The following TENT5D variants were observed in gnomAD, a reference collection of about 807,000 sequenced individuals.
TENT5D encodes terminal nucleotidyltransferase 5D.
For synonymous variants in TENT5D, 103 were observed against 100.6 expected (o/e 1.02, Z -0.15); for missense variants, 191 against 287.0 (o/e 0.67, Z 2.42).
chrX:80,351,013 C>T (rs956364949), intron 3 of TENT5D, among the ~76,000 whole-genome samples: 7 of 111,905 alleles, frequency 6.3e-5, no homozygotes, highest in Admixed American at 4.7e-4. Flanking sequence ...GAGAGATACG[C>T]TGTTAGTCTG....
chrX:80,431,415 G>A (rs1050766828), intron 1 of TENT5D, among the ~76,000 whole-genome samples: 1 of 111,950 alleles, frequency 8.9e-6, no homozygotes, highest in Admixed American at 9.5e-5. Context: ...GGTAAAAACT[G>A]ACTCCAAATT....
At chrX:80,402,927 T>C (rs1931415114) in intron 3 of TENT5D, among the ~76,000 whole-genome samples, 1 of 111,922 alleles carries the variant, frequency 8.9e-6, no homozygotes, top group Non-Finnish European at 1.9e-5. Context: ...ACGTCCAGTG[T>C]TTGCTTATTA....
Position 80,429,128 on chromosome X carries a change from A to G in TENT5D, c.-142+8565A>G, listed in dbSNP as rs1200398619. Among the ~76,000 whole-genome samples, 3 of 111,205 alleles carry G rather than the reference A, an allele frequency of 2.7e-5. No individual in the cohort carries two copies. In the East Asian group the frequency reaches 8.6e-4, roughly 32 times the overall value. ...GGATCATTTGTGAGACAGGCCCTGG[A>G]CCTGGTGACTTGCACCTCTGGAGAC... is the stretch of plus-strand genomic sequence containing the variant. On this transcript the variant is annotated intron_variant, in intron 1 of 2. Transcript: ENST00000308293.
chrX:80,354,293 TC>T (rs1930242439), intron 3 of TENT5D, among the ~76,000 whole-genome samples: 1 of 111,759 alleles, frequency 8.9e-6, no homozygotes. Flanking sequence ...AGATACGTTT[TC>T]CAAGTTGTTT....
intron 1 of TENT5D, among the ~76,000 whole-genome samples, chrX:80,429,900 A>G (rs760386991): frequency 2.3e-4 from 26 of 111,646 alleles, no homozygotes; most frequent in Non-Finnish European, 3.8e-4. Context: ...CTTTTTAAAA[A>G]GGCCATCTGG....
intron 3 of TENT5D, among the ~76,000 whole-genome samples, chrX:80,374,313 C>T (rs979400063): frequency 1.8e-5 from 2 of 111,021 alleles, no homozygotes; most frequent in African/African-American, 3.3e-5. Context: ...AACACACGTG[C>T]GCATGATAGA....
At chrX:80,362,325 G>C (rs772963483) in intron 3 of TENT5D, among the ~76,000 whole-genome samples, 14 of 110,534 alleles carry the variant, frequency 1.3e-4, no homozygotes, top group Non-Finnish European at 2.3e-4. Flanking sequence ...CACCACACCC[G>C]GCTAATTTTT....
intron 3 of TENT5D, among the ~76,000 whole-genome samples, chrX:80,368,507 G>T (rs1313355309): frequency 4.5e-5 from 5 of 111,409 alleles, no homozygotes; most frequent in African/African-American, 9.8e-5. Context: ...TATCTTGTTG[G>T]TCTGTCATAG....
chrX:80,344,374 A>C (rs1397832045), intron 3 of TENT5D, among the ~76,000 whole-genome samples: 5 of 111,204 alleles, frequency 4.5e-5, no homozygotes, highest in Admixed American at 9.6e-5. Context: ...AGAAATCTCT[A>C]AACTGCTTTC....
intron 3 of TENT5D, among the ~76,000 whole-genome samples, chrX:80,384,542 C>A (rs1180291120): frequency 7.5e-5 from 5 of 66,624 alleles, no homozygotes; most frequent in Non-Finnish European, 1.4e-4. Context: ...TCTCACCACT[C>A]CTATTCAACA....
At chrX:80,346,471 C>T (rs1237944818) in intron 3 of TENT5D, among the ~76,000 whole-genome samples, 1 of 111,622 alleles carries the variant, frequency 9.0e-6, no homozygotes, top group East Asian at 2.8e-4. Context: ...TACAAGAGTT[C>T]TAGTTGTCAC....
chrX:80,340,525 C>G (rs999212546), intron 2 of TENT5D, among the ~76,000 whole-genome samples: 1 of 111,358 alleles, frequency 9.0e-6, no homozygotes, highest in Non-Finnish European at 1.9e-5. Flanking sequence ...CAGAGTGTAG[C>G]ATGCTTTGTA....
chrX:80,409,160 C>G (rs1931576337), intron 3 of TENT5D, among the ~76,000 whole-genome samples: 1 of 110,121 alleles, frequency 9.1e-6, no homozygotes, highest in Non-Finnish European at 1.9e-5. Flanking sequence ...TGGGCAAAAA[C>G]TGGAAGCATT....
intron 3 of TENT5D, among the ~76,000 whole-genome samples, chrX:80,377,634 A>G (rs1449552890): frequency 3.6e-5 from 4 of 112,019 alleles, no homozygotes; most frequent in Non-Finnish European, 7.5e-5. Flanking sequence ...CCAGTCTATC[A>G]TTGATGGACA....
At chrX:80,415,397 C>T (rs1231220372) in intron 3 of TENT5D, among the ~76,000 whole-genome samples, 1 of 111,737 alleles carries the variant, frequency 8.9e-6, no homozygotes, top group Non-Finnish European at 1.9e-5. Context: ...CAAGGGAAAT[C>T]TTCCAGCTTT....
At chrX:80,350,994 G>A (rs776730835) in intron 3 of TENT5D, among the ~76,000 whole-genome samples, 6 of 111,856 alleles carry the variant, frequency 5.4e-5, no homozygotes, top group East Asian at 2.8e-4. Flanking sequence ...AGTTTGTAGC[G>A]TTTCTGCAGA....
intron 3 of TENT5D, among the ~76,000 whole-genome samples, chrX:80,348,064 T>C (rs971072867): frequency 1.8e-5 from 2 of 112,053 alleles, no homozygotes; most frequent in African/African-American, 6.5e-5. Context: ...CATGCTGTTT[T>C]TGTTTTGGTT....
rs182169074 is a variant in TENT5D, at chrX:80,393,375, T to G, written c.-141-45235T>G. Among the ~76,000 whole-genome samples, 524 of 111,017 alleles carry G rather than the reference T, an allele frequency of 4.7e-3. 4 individuals carry two copies. Among genetic ancestry groups the G allele is most frequent in the African/African-American group, 0.013 (393 of 30,538 alleles). ...TATTTCTCCCCTCACTCCTTCTTTT[T>G]TCCCGTTTCTCTCCCCTCCCATTGT... is the stretch of plus-strand genomic sequence containing the variant. On this transcript the variant is annotated intron_variant, in intron 3 of 4. Transcript: ENST00000538312.
intron 3 of TENT5D, among the ~76,000 whole-genome samples, chrX:80,370,873 G>A (rs7879396): frequency 0.12 from 13,352 of 111,100 alleles, 902 homozygotes; most frequent in East Asian, 0.48. Flanking sequence ...ACAATATGAG[G>A]TTTTTAACAA....
Sources: allele counts gnomAD v4.1 joint callset (sites outside exome capture counted in the v4.1 genomes callset), GRCh38; gene constraint gnomAD v4.1.1; transcripts MANE v1.5; gene names NCBI Gene and HGNC (gene_info 2026-07-23, HGNC 2026-07-21).